Variants in ARHGEF7 observed in about 807,000 individuals in gnomAD.
ARHGEF7 encodes PAK-interacting exchange factor beta.
ARHGEF7 carries 33 observed loss-of-function variants against 109.8 expected under a neutral mutation model. The ratio of observed to expected loss-of-function variants is 0.30; its 90% confidence interval spans 0.23 to 0.40. ARHGEF7 has a LOEUF of 0.40. Ranked by LOEUF, ARHGEF7 falls within the 10% of genes least tolerant of loss-of-function variation. ARHGEF7 has a pLI of 1.00. For synonymous variants in ARHGEF7, 458 were observed against 424.6 expected, an observed-to-expected ratio of 1.08 and a Z score of -0.97; for missense variants, 938 against 1,098.5, an observed-to-expected ratio of 0.85 and a Z score of 2.07.
intron 1 of ARHGEF7, among the ~76,000 whole-genome samples, chr13:111,149,850 G>GA (rs1271050042): frequency 6.6e-6 from 1 of 152,118 alleles, no homozygotes; most frequent in Non-Finnish European, 1.5e-5. Flanking sequence ...ATAAAGTCCT[G>GA]AAAAAAGCAT....
chr13:111,275,139 A>G (rs2092404911), intron 11 of ARHGEF7, among the ~76,000 whole-genome samples: 1 of 152,200 alleles, frequency 6.6e-6, no homozygotes, highest in African/African-American at 2.4e-5. Context: ...CGTTTTGGAA[A>G]TATATGGCCT....
At chr13:111,151,956 T>C (rs1179771113) in intron 1 of ARHGEF7, among the ~76,000 whole-genome samples, 1 of 152,206 alleles carries the variant, frequency 6.6e-6, no homozygotes, top group East Asian at 1.9e-4. Context: ...AATTTTTCAC[T>C]GTTCTGCTTG....
At chr13:111,301,626 C>A in intron 21 of ARHGEF7, 94 bp downstream of exon 21, 1 of 1,045,582 alleles carries the variant, frequency 9.6e-7, no homozygotes, top group Non-Finnish European at 1.4e-6. Context: ...GGTACGGTGG[C>A]TCACACCTAT....
chr13:111,155,915 A>G (rs2003030), intron 2 of ARHGEF7, among the ~76,000 whole-genome samples: 117,485 of 149,030 alleles, frequency 0.79, 46,738 homozygotes, highest in South Asian at 0.93. Flanking sequence ...GTCTATACTT[A>G]AACAAACCCA....
chr13:111,118,270 G>A (rs2153309489), intron 1 of ARHGEF7, among the ~76,000 whole-genome samples: 1 of 152,370 alleles, frequency 6.6e-6, no homozygotes, highest in South Asian at 2.1e-4. Context: ...GAAGAGGGTG[G>A]AGGGAGCAGA....
At chr13:111,268,791 T>G (rs996020228) in intron 9 of ARHGEF7, among the ~76,000 whole-genome samples, 1 of 152,242 alleles carries the variant, frequency 6.6e-6, no homozygotes, top group African/African-American at 2.4e-5. Context: ...TGTCAGCAGG[T>G]CAGGTCAGGG....
At chr13:111,263,956 C>A (rs535898813) in intron 8 of ARHGEF7, among the ~76,000 whole-genome samples, 2 of 152,170 alleles carry the variant, frequency 1.3e-5, no homozygotes, top group Non-Finnish European at 2.9e-5. Context: ...TTCCCAGTGC[C>A]TTGTAATGGT....
chr13:111,190,923 G>A lies in ARHGEF7; in HGVS notation c.253-14366G>A, dbSNP rs369237801. ...GCCAAGGTAGCTCTGGTGAGTGGCTGGAAAGGGGTGTTGGGAGCAAACTGA... is the reference window on the plus strand; with the variant it reads ...GCCAAGGTAGCTCTGGTGAGTGGCTAGAAAGGGGTGTTGGGAGCAAACTGA... On this transcript the variant is annotated intron_variant, in intron 2 of 21. Transcript: ENST00000646102. Among the ~76,000 whole-genome samples, 10 of 152,290 alleles carry A rather than the reference G, an allele frequency of 6.6e-5. No homozygotes were observed. In the East Asian group the frequency reaches 1.2e-3, roughly 18 times the overall value.
intron 6 of ARHGEF7, among the ~76,000 whole-genome samples, chr13:111,243,420 C>G (rs374365600): frequency 6.6e-6 from 1 of 152,256 alleles, no homozygotes; most frequent in Non-Finnish European, 1.5e-5. Context: ...TACCCTTCAC[C>G]TCTTCTCTGA....
chr13:111,152,651 TA>T lies in ARHGEF7; in HGVS notation c.166-1253del, dbSNP rs200942103. On this transcript the variant is annotated intron_variant, in intron 1 of 21. Coordinates refer to ENST00000646102, the MANE Select transcript of ARHGEF7 (RefSeq NM_001354046.2). ...CTGGTGAAATGTCGTGATTTTCTCCTACAGTACAGAAGGACAAAAATGCCTT... is the reference window on the plus strand; with the variant it reads ...CTGGTGAAATGTCGTGATTTTCTCCTCAGTACAGAAGGACAAAAATGCCTT... 7.1e-3 allele frequency among the ~76,000 whole-genome samples: 1,085 copies of T among 152,354 alleles called. 12 individuals carry two copies. The highest frequency in any genetic ancestry group is 0.025 in the African/African-American group (1,035 of 41,576).
At chr13:111,224,975 T>C (rs1258407858) in intron 5 of ARHGEF7, among the ~76,000 whole-genome samples, 2 of 152,192 alleles carry the variant, frequency 1.3e-5, no homozygotes, top group African/African-American at 2.4e-5. Context: ...AATTAGAAGA[T>C]ATGGGCCCCC....
At chr13:111,137,701 G>T (rs2075150752) in intron 1 of ARHGEF7, among the ~76,000 whole-genome samples, 1 of 151,110 alleles carries the variant, frequency 6.6e-6, no homozygotes, top group African/African-American at 2.4e-5. Flanking sequence ...AAAAGAATAT[G>T]TTTTTTTTTC....
At chr13:111,223,757 A>G (rs148772021) in intron 5 of ARHGEF7, among the ~76,000 whole-genome samples, 100 of 152,328 alleles carry the variant, frequency 6.6e-4, no homozygotes, top group African/African-American at 2.3e-3. Flanking sequence ...ATTATTCCTG[A>G]ATATGTACAG....
chr13:111,289,893 T>G (rs1471238580), intron 18 of ARHGEF7, among the ~76,000 whole-genome samples: 1 of 152,236 alleles, frequency 6.6e-6, no homozygotes, highest in Admixed American at 6.5e-5. Flanking sequence ...TTGGTTTTTT[T>G]GTCCATACTT....
chr13:111,291,573 G>A (rs2093286778), intron 18 of ARHGEF7, among the ~76,000 whole-genome samples: 1 of 152,240 alleles, frequency 6.6e-6, no homozygotes, highest in African/African-American at 2.4e-5. Context: ...CCACTCTCAG[G>A]TTTATGGTCT....
rs6692 is a variant in ARHGEF7 at position 111,305,522 on chromosome 13, G to A, written c.*2409G>A. 0.17 allele frequency: 26,312 copies of A among 152,146 alleles called. 3,014 individuals carry two copies. The highest frequency in any genetic ancestry group is 0.67 in the East Asian group (3,443 of 5,150). 9.4% of individuals were successfully genotyped at this position (152,146 alleles called of 1,614,324 possible). A position where few individuals can be genotyped will look rare whatever the true frequency, so the allele number is the denominator to read the frequency against. On this transcript the variant is annotated 3_prime_UTR_variant, in exon 22 of 22. Transcript: ENST00000646102. ...GTGGCGTCTGTGCTTGTCCACATGC[G>A]CTGGGCGTCTGGGACCTTGAATGCC...
intron 1 of ARHGEF7, among the ~76,000 whole-genome samples, chr13:111,124,096 C>G (rs547056854): frequency 6.6e-6 from 1 of 152,112 alleles, no homozygotes; most frequent in South Asian, 2.1e-4. Context: ...TGTTTCTTCC[C>G]TTTCAGTCAG....
At chr13:111,137,126 C>T (rs888602578) in intron 1 of ARHGEF7, among the ~76,000 whole-genome samples, 3 of 152,174 alleles carry the variant, frequency 2.0e-5, no homozygotes, top group Admixed American at 6.6e-5. Context: ...CAAAAAAAGT[C>T]CAGGACCAGA....
Position 111,220,301 on chromosome 13 carries a change from C to T in ARHGEF7, c.670+2421C>T, listed in dbSNP as rs985449545. 2.6e-5 allele frequency among the ~76,000 whole-genome samples: 4 copies of T among 152,194 alleles called. No individual in the cohort carries two copies. The East Asian group carries it at 5.8e-4, about 22-fold the overall frequency. On this transcript the variant is annotated intron_variant, in intron 5 of 21. Transcript: ENST00000646102. The stretch of plus-strand genomic sequence containing the variant: ...GAGGTTACAGAACTGCTAAGTGGGA[C>T]GCACCTTTGGAGTAGGGACAGACGC...
Sources: gnomAD v4.1 joint callset for allele counts (sites outside exome capture counted in the v4.1 genomes callset) on GRCh38, gnomAD v4.1.1 for gene constraint, MANE v1.5 for transcripts, NCBI Gene and HGNC (gene_info 2026-07-23, HGNC 2026-07-21) for gene names.